Variants in CCSER1 observed in about 807,000 individuals in gnomAD.
CCSER1 encodes the protein coiled-coil serine rich protein 1.
In CCSER1, 41 loss-of-function variants were observed where a neutral mutation model predicts 82.0. The observed-to-expected ratio is 0.50, with a 90% confidence interval of 0.39 to 0.65. The LOEUF (loss-of-function observed/expected upper bound fraction) is 0.65. CCSER1 is among the 30% of genes least tolerant of loss of function. The probability of loss-of-function intolerance (pLI) is 0.00; values close to 1 mark genes in which losing one functional copy is unlikely to be tolerated. For missense variants in CCSER1, 1,119 were observed against 1,064.2 expected, an observed-to-expected ratio of 1.05 and a Z score of -0.72; for synonymous variants, 414 against 383.9, an observed-to-expected ratio of 1.08 and a Z score of -0.92.
chr4:90,218,719 A>G (rs1741569279), intron 1 of CCSER1, among the ~76,000 whole-genome samples: 1 of 152,126 alleles, frequency 6.6e-6, no homozygotes, highest in Non-Finnish European at 1.5e-5. Flanking sequence ...TGAAACTTTA[A>G]AATAACTTGA....
intron 10 of CCSER1, among the ~76,000 whole-genome samples, chr4:91,390,425 G>T (rs1297916133): frequency 6.6e-6 from 1 of 151,696 alleles, no homozygotes; most frequent in African/African-American, 2.4e-5. Context: ...TTCATATATT[G>T]TTGGATTTTA....
intron 4 of CCSER1, among the ~76,000 whole-genome samples, chr4:90,408,108 G>T (rs1436966679): frequency 1.3e-5 from 2 of 152,224 alleles, no homozygotes; most frequent in African/African-American, 2.4e-5. Context: ...CCATTGCCCA[G>T]GCTTGAGTAG....
At chr4:91,213,322 A>G (rs997023002) in intron 10 of CCSER1, among the ~76,000 whole-genome samples, 4 of 152,080 alleles carry the variant, frequency 2.6e-5, no homozygotes, top group Non-Finnish European at 5.9e-5. Context: ...TGGGAAAAAC[A>G]GAGATGTAGT....
At chr4:91,477,997 T>C (rs1216006971) in intron 10 of CCSER1, among the ~76,000 whole-genome samples, 2 of 151,930 alleles carry the variant, frequency 1.3e-5, no homozygotes, top group African/African-American at 2.4e-5. Flanking sequence ...TCCAGTCTTC[T>C]TGACCACTAG....
At chr4:91,171,220 A>T (rs1272747872) in intron 10 of CCSER1, among the ~76,000 whole-genome samples, 1 of 152,214 alleles carries the variant, frequency 6.6e-6, no homozygotes, top group African/African-American at 2.4e-5. Flanking sequence ...ATCCCTAAGT[A>T]GTTCCTCTTT....
chr4:90,164,238 CA>C (rs1458286813), intron 1 of CCSER1, among the ~76,000 whole-genome samples: 1 of 149,348 alleles, frequency 6.7e-6, no homozygotes, highest in African/African-American at 2.5e-5. Flanking sequence ...ATAATAGCTA[CA>C]ATTTCCTACA....
intron 10 of CCSER1, among the ~76,000 whole-genome samples, chr4:91,242,148 A>G (rs1287710622): frequency 6.6e-6 from 1 of 150,720 alleles, no homozygotes; most frequent in African/African-American, 2.5e-5. Context: ...GATATTTGGA[A>G]AAAAAAAGGA....
intron 1 of CCSER1, among the ~76,000 whole-genome samples, chr4:90,169,384 G>T (rs540912478): frequency 4.6e-5 from 7 of 152,108 alleles, no homozygotes; most frequent in Admixed American, 3.9e-4. Flanking sequence ...GGGCTGAGAC[G>T]ATGGGGTTTT....
intron 10 of CCSER1, among the ~76,000 whole-genome samples, chr4:91,589,671 C>T (rs1046949390): frequency 1.3e-5 from 2 of 151,130 alleles, no homozygotes; most frequent in African/African-American, 4.9e-5. Flanking sequence ...CCACTCCTTT[C>T]CCTCTAGCAT....
At chr4:90,934,701 G>A (rs1278508680) in intron 9 of CCSER1, among the ~76,000 whole-genome samples, 3 of 152,206 alleles carry the variant, frequency 2.0e-5, no homozygotes, top group Admixed American at 2.0e-4. Flanking sequence ...GGAGGCCAAG[G>A]CGGGTGGATC....
chr4:90,883,408 A>G (rs1198200603), intron 8 of CCSER1, among the ~76,000 whole-genome samples: 1 of 152,070 alleles, frequency 6.6e-6, no homozygotes, highest in Non-Finnish European at 1.5e-5. Context: ...TTATATTGAC[A>G]CTACAGTGTG....
intron 1 of CCSER1, among the ~76,000 whole-genome samples, chr4:90,273,559 T>G (rs898872098): frequency 2.0e-5 from 3 of 152,192 alleles, no homozygotes; most frequent in African/African-American, 7.2e-5. Context: ...GACTTTATTT[T>G]GTGGATGTTA....
At chr4:91,244,755 C>A (rs1739632063) in intron 10 of CCSER1, among the ~76,000 whole-genome samples, 1 of 152,016 alleles carries the variant, frequency 6.6e-6, no homozygotes, top group Admixed American at 6.5e-5. Flanking sequence ...TCAGCATCAT[C>A]CAGGAAAATA....
chr4:91,116,636 A>G (rs1726632551), intron 10 of CCSER1, among the ~76,000 whole-genome samples: 2 of 152,108 alleles, frequency 1.3e-5, no homozygotes, highest in Admixed American at 6.5e-5. Flanking sequence ...TGCTTTGGAG[A>G]TGGTGGTTGT....
chr4:90,560,588 G>A (rs1011270438), intron 5 of CCSER1, among the ~76,000 whole-genome samples: 1 of 151,868 alleles, frequency 6.6e-6, no homozygotes, highest in Admixed American at 6.6e-5. Context: ...TCATGTTCAG[G>A]GGCCCTTAAT....
At chr4:90,744,853 A>G (rs1030449234) in intron 7 of CCSER1, among the ~76,000 whole-genome samples, 1 of 152,158 alleles carries the variant, frequency 6.6e-6, no homozygotes, top group Non-Finnish European at 1.5e-5. Flanking sequence ...TCCCCTATCC[A>G]TGGAAAAATT....
In CCSER1 at chr4:91,014,075, C is replaced by A. The variant is rs1157422883; in HGVS notation, c.2173-71875C>A. Among the ~76,000 whole-genome samples, 3 of 133,290 alleles carry A rather than the reference C, an allele frequency of 2.3e-5. 1 individual carries two copies. Among genetic ancestry groups the A allele is most frequent in the Non-Finnish European group, 5.2e-5 (3 of 57,446 alleles). 87.4% of individuals were successfully genotyped at this position (133,290 alleles called of 152,430 possible). A position where few individuals can be genotyped will look rare whatever the true frequency, so the allele number is the denominator to read the frequency against. ...TATATCTTTCATGAATACATAAGCC[C>A]GGACATCACTTAATGCTTGGAAGAG... is the stretch of plus-strand genomic sequence containing the variant. On this transcript the variant is annotated intron_variant, in intron 9 of 10. Transcript: ENST00000509176.
rs866780406 is a variant in CCSER1 at position 90,932,961 on chromosome 4, A to G, written c.2172+9514A>G. On this transcript the variant is annotated intron_variant, in intron 9 of 10. Coordinates refer to ENST00000509176, the MANE Select transcript of CCSER1 (RefSeq NM_001145065.2). ...AAGAAAGAAAGAAAGAAAGAAAGAA[A>G]GAAAGAAAGAAAGAAAGAAAGAGAA... Among the ~76,000 whole-genome samples the G allele has an allele frequency of 2.2e-4, 9 of 41,414 alleles. 1 individual carries two copies. The highest frequency in any genetic ancestry group is 4.6e-4 in the Admixed American group (2 of 4,350). 27.2% of individuals were successfully genotyped at this position (41,414 alleles called of 152,430 possible). A position where few individuals can be genotyped will look rare whatever the true frequency, so the allele number is the denominator to read the frequency against.
intron 7 of CCSER1, among the ~76,000 whole-genome samples, chr4:90,737,491 A>G (rs1745854361): frequency 6.6e-6 from 1 of 152,150 alleles, no homozygotes; most frequent in Admixed American, 6.5e-5. Context: ...CCATATGAAT[A>G]GGAGCTCCAT....
Sources: allele counts gnomAD v4.1 joint callset (sites outside exome capture counted in the v4.1 genomes callset), GRCh38; gene constraint gnomAD v4.1.1; transcripts MANE v1.5; gene names NCBI Gene and HGNC (gene_info 2026-07-23, HGNC 2026-07-21).